The following ST3GAL3 variants were observed in gnomAD, a reference collection of about 807,000 sequenced individuals.
The protein encoded by ST3GAL3 is ST3 beta-galactoside alpha-2,3-sialyltransferase 3.
Under a neutral mutation model 50.1 loss-of-function variants are expected in ST3GAL3, and 21 were observed. That is an observed-to-expected ratio of 0.42 (90% CI 0.30 to 0.60). ST3GAL3 has a LOEUF of 0.60. ST3GAL3 is among the 20% of genes least tolerant of loss of function. The pLI is 0.19. For synonymous variants in ST3GAL3, 183 were observed against 190.0 expected (o/e 0.96, Z 0.30); for missense variants, 353 against 489.4 (o/e 0.72, Z 2.63).
intron 9 of ST3GAL3, among the ~76,000 whole-genome samples, chr1:43,903,775 T>C (rs1159469983): frequency 6.6e-6 from 1 of 152,200 alleles, no homozygotes; most frequent in African/African-American, 2.4e-5. Context: ...GGAAAATGGC[T>C]TAGGCCTTGG....
chr1:43,759,059 GCGCGCGCACACACA>G (rs1291849800), intron 2 of ST3GAL3, among the ~76,000 whole-genome samples: 1 of 66,198 alleles, frequency 1.5e-5, no homozygotes, highest in African/African-American at 6.9e-5. Context: ...ACAAACAAAA[GCGCGCGCACACACA>G]CACACACACA....
chr1:43,894,155 A>G lies in ST3GAL3; in HGVS notation c.303-228A>G, dbSNP rs113349241. 762 of 561,106 alleles carry G rather than the reference A, an allele frequency of 1.4e-3. 12 individuals carry two copies. Among genetic ancestry groups the G allele is most frequent in the African/African-American group, 0.013 (698 of 53,546 alleles). 34.8% of individuals were successfully genotyped at this position (561,106 alleles called of 1,614,324 possible). A position where few individuals can be genotyped will look rare whatever the true frequency, so the allele number is the denominator to read the frequency against. On this transcript the variant is annotated intron_variant, in intron 5 of 11. Coordinates refer to ENST00000347631, the MANE Select transcript of ST3GAL3 (RefSeq NM_006279.5). ...ATCTTGTCTCTCCACTCCTACAGCTAGCCAAATAAAGACTGACCAGGCCTA... is the reference window on the plus strand; with the variant it reads ...ATCTTGTCTCTCCACTCCTACAGCTGGCCAAATAAAGACTGACCAGGCCTA...
At chr1:43,867,131 A>G (rs976467474) in intron 5 of ST3GAL3, among the ~76,000 whole-genome samples, 10 of 152,226 alleles carry the variant, frequency 6.6e-5, no homozygotes, top group African/African-American at 2.2e-4. Context: ...CTCCGTCTCA[A>G]AATAAATAAA....
chr1:43,852,176 T>C (rs2067459282), intron 5 of ST3GAL3, among the ~76,000 whole-genome samples: 1 of 152,188 alleles, frequency 6.6e-6, no homozygotes, highest in African/African-American at 2.4e-5. Flanking sequence ...CTCACACTTT[T>C]GTACTCTCTG....
chr1:43,754,424 T>TCAAGCAATCCAC, intron 2 of ST3GAL3, among the ~76,000 whole-genome samples: 1 of 152,114 alleles, frequency 6.6e-6, no homozygotes, highest in Admixed American at 6.5e-5. Context: ...ACTCCTGACC[T>TCAAGCAATCCAC]CAAGCAATCC....
chr1:43,826,800 A>G (rs920183864), intron 4 of ST3GAL3, among the ~76,000 whole-genome samples: 2 of 152,222 alleles, frequency 1.3e-5, no homozygotes, highest in African/African-American at 4.8e-5. Flanking sequence ...TCAAAAATCA[A>G]TTAATGCATA....
intron 6 of ST3GAL3, chr1:43,896,861 A>G (rs1250839537): frequency 6.6e-6 from 1 of 152,018 alleles, no homozygotes; most frequent in Non-Finnish European, 1.5e-5. Context: ...ATGTATTTTC[A>G]CTACATATTT....
At chr1:43,854,235 TCTC>T (rs2067904126) in intron 5 of ST3GAL3, among the ~76,000 whole-genome samples, 1 of 152,112 alleles carries the variant, frequency 6.6e-6, no homozygotes, top group South Asian at 2.1e-4. Context: ...ACAGTTACCT[TCTC>T]CGCTTCCTCA....
chr1:43,722,197 G>C (rs1670814196), intron 1 of ST3GAL3, among the ~76,000 whole-genome samples: 1 of 152,190 alleles, frequency 6.6e-6, no homozygotes, highest in Non-Finnish European at 1.5e-5. Flanking sequence ...AGACGTAAAA[G>C]ATAAGTAAGA....
chr1:43,824,845 A>G, intron 4 of ST3GAL3: 3 of 1,113,678 alleles, frequency 2.7e-6, no homozygotes, highest in Non-Finnish European at 4.1e-6. Flanking sequence ...TTTTGAAGTC[A>G]CTGAGCGAGG....
intron 5 of ST3GAL3, among the ~76,000 whole-genome samples, chr1:43,874,266 T>A (rs541095078): frequency 2.0e-5 from 3 of 152,308 alleles, no homozygotes; most frequent in African/African-American, 4.8e-5. Context: ...AAGTAAAGAA[T>A]TGACCATTGG....
chr1:43,818,671 A>T (rs898227933), intron 4 of ST3GAL3, among the ~76,000 whole-genome samples: 3 of 152,262 alleles, frequency 2.0e-5, no homozygotes, highest in African/African-American at 7.2e-5. Context: ...CACATCATTT[A>T]TAAAGCAATT....
At chr1:43,729,558 A>G (rs376508992) in intron 1 of ST3GAL3, among the ~76,000 whole-genome samples, 1 of 152,166 alleles carries the variant, frequency 6.6e-6, no homozygotes, top group East Asian at 1.9e-4. Context: ...CTGTTGCCAC[A>G]ACCTAGACCC....
At chr1:43,749,300 A>G (rs1685104620) in intron 2 of ST3GAL3, among the ~76,000 whole-genome samples, 1 of 152,242 alleles carries the variant, frequency 6.6e-6, no homozygotes, top group Non-Finnish European at 1.5e-5. Flanking sequence ...TAAAAGAAAT[A>G]TTTATCAATT....
intron 7 of ST3GAL3, 109 bp downstream of exon 7, chr1:43,898,407 A>G (rs954284187): frequency 5.1e-5 from 55 of 1,085,424 alleles, no homozygotes; most frequent in Admixed American, 2.1e-4. Context: ...CAGCACATCC[A>G]CACATGCACA....
chr1:43,888,284 T>G (rs995915271), intron 5 of ST3GAL3, among the ~76,000 whole-genome samples: 1 of 152,120 alleles, frequency 6.6e-6, no homozygotes. Context: ...AGAAAAACTT[T>G]CCTATGACTC....
chr1:43,893,459 C>T (rs1277223606), intron 5 of ST3GAL3, among the ~76,000 whole-genome samples: 2 of 152,218 alleles, frequency 1.3e-5, no homozygotes, highest in African/African-American at 2.4e-5. Flanking sequence ...AGGGTGCTAG[C>T]GCCCATGTGA....
intron 4 of ST3GAL3, among the ~76,000 whole-genome samples, chr1:43,816,790 A>G (rs977842411): frequency 1.3e-5 from 2 of 152,224 alleles, no homozygotes; most frequent in African/African-American, 4.8e-5. Context: ...TCTTTAGCAC[A>G]GTAAATTGGC....
intron 5 of ST3GAL3, among the ~76,000 whole-genome samples, chr1:43,847,922 C>G (rs2066525022): frequency 6.6e-6 from 1 of 152,154 alleles, no homozygotes; most frequent in Non-Finnish European, 1.5e-5. Context: ...ATGGTATCCT[C>G]TTTCTTCTGC....
Sources: allele counts gnomAD v4.1 joint callset (sites outside exome capture counted in the v4.1 genomes callset), GRCh38; gene constraint gnomAD v4.1.1; transcripts MANE v1.5; gene names NCBI Gene and HGNC (gene_info 2026-07-23, HGNC 2026-07-21).